STAT3: variants seen among roughly 807,000 people sequenced by gnomAD.
STAT3 encodes signal transducer and activator of transcription 3, also known as DNA-binding protein APRF.
Under a neutral mutation model 114.3 loss-of-function variants are expected in STAT3, and 7 were observed. The observed-to-expected ratio is 0.06, with a 90% CI of 0.03 to 0.11. The LOEUF (loss-of-function observed/expected upper bound fraction) is 0.11, where lower values mean the gene tolerates loss of function less well. Ranked by LOEUF, STAT3 falls within the 10% of genes least tolerant of loss-of-function variation. The pLI, the probability that STAT3 is intolerant of heterozygous loss-of-function variation, is 1.00. For missense variants in STAT3, 364 were observed against 960.9 expected (o/e 0.38, Z 8.21); for synonymous variants, 331 against 354.5 (o/e 0.93, Z 0.74).
intron 4 of STAT3, among the ~76,000 whole-genome samples, chr17:42,339,909 A>C (rs2144901970): frequency 6.6e-6 from 1 of 152,300 alleles, no homozygotes; most frequent in Admixed American, 6.5e-5. Flanking sequence ...TCACACCTAT[A>C]ATATCAGCAC....
Position 42,325,080 on chromosome 17 carries a change from C to T in STAT3, c.1366-19G>A. On this transcript the variant is annotated intron_variant, in intron 15 of 23. Coordinates refer to ENST00000264657, the MANE Select transcript of STAT3 (RefSeq NM_139276.3). ...AGTGGGTCTGCGGAGGGAGTGGGGA[C>T]TGAGCTGGGGAGGCAGAGGGGCTCT... The T allele has an allele frequency of 6.2e-7, 1 of 1,612,168 alleles. No homozygotes were observed. The highest frequency in any genetic ancestry group is 8.5e-7 in the Non-Finnish European group (1 of 1,178,416).
chr17:42,329,265 C>T, intron 14 of STAT3, 145 bp downstream of exon 14: 2 of 1,165,358 alleles, frequency 1.7e-6, no homozygotes, highest in Non-Finnish European at 2.5e-6. Context: ...CTGTTCATGT[C>T]ACTTTGGCCT....
chr17:42,368,974 C>G (rs1280474812), intron 1 of STAT3, among the ~76,000 whole-genome samples: 1 of 152,034 alleles, frequency 6.6e-6, no homozygotes, highest in African/African-American at 2.4e-5. Flanking sequence ...CATTTAGCTC[C>G]CACTTATAAG....
intron 10 of STAT3, among the ~76,000 whole-genome samples, chr17:42,332,577 T>G: frequency 7.1e-6 from 1 of 140,494 alleles, no homozygotes. Flanking sequence ...GCGTGGTGGC[T>G]CACATCTGTA....
chr17:42,369,963 T>C (rs2084016639), intron 1 of STAT3, among the ~76,000 whole-genome samples: 2 of 151,912 alleles, frequency 1.3e-5, no homozygotes, highest in African/African-American at 2.4e-5. Context: ...ACTTTGGCCA[T>C]GTGTTGGTTT....
chr17:42,349,663 T>C (rs903477834), intron 1 of STAT3, among the ~76,000 whole-genome samples: 1 of 152,238 alleles, frequency 6.6e-6, no homozygotes, highest in Non-Finnish European at 1.5e-5. Context: ...CCCAGTGAAA[T>C]GCTCTGGTAT....
intron 1 of STAT3, among the ~76,000 whole-genome samples, chr17:42,354,529 C>T (rs564431110): frequency 1.8e-4 from 28 of 151,424 alleles, no homozygotes; most frequent in Non-Finnish European, 3.5e-4. Flanking sequence ...AAGCACCAGG[C>T]TGGGCACAGT....
intron 21 of STAT3, among the ~76,000 whole-genome samples, chr17:42,320,752 C>T (rs1421891355): frequency 1.3e-5 from 2 of 148,586 alleles, no homozygotes; most frequent in South Asian, 4.2e-4. Flanking sequence ...AAAAAAAGCC[C>T]ATCATTGGCT....
rs2082270878 is a variant in STAT3 at position 42,337,339 on chromosome 17, G to A, written c.797+96C>T. 3.3e-6 allele frequency: 5 copies of A among 1,521,022 alleles called. No individual in the cohort carries two copies. Among genetic ancestry groups the A allele is most frequent in the Middle Eastern group, 1.8e-4 (1 of 5,674 alleles). 94.2% of individuals were successfully genotyped at this position (1,521,022 alleles called of 1,614,324 possible). On this transcript the variant is annotated intron_variant, in intron 8 of 23. Transcript: ENST00000264657. The surrounding 1 kb of genome is among the most constrained non-coding windows in gnomAD (Gnocchi z 4.0). Reference sequence around the variant, plus strand: ...AATTTGAATATGGAAAAGTCCCCACGTTGGAGATATAGTACCAATTCTGTG... The same window carrying A: ...AATTTGAATATGGAAAAGTCCCCACATTGGAGATATAGTACCAATTCTGTG...
rs763984398 is a variant in STAT3 at position 42,324,102 on chromosome 17, C to T, written c.1601-477G>A. On this transcript the variant is annotated intron_variant, in intron 17 of 23. Coordinates refer to ENST00000264657, the MANE Select transcript of STAT3 (RefSeq NM_139276.3). This position sits in a 1 kb window ranked among gnomAD's most constrained non-coding sequence, Gnocchi z 4.5. ...TTAGGAGGCCGAGGTGGGCGGATCACGAGGTGAAGAGACGGAGACTATCCT... is the reference window on the plus strand; with the variant it reads ...TTAGGAGGCCGAGGTGGGCGGATCATGAGGTGAAGAGACGGAGACTATCCT... Among the ~76,000 whole-genome samples the T allele has an allele frequency of 3.3e-5, 5 of 152,118 alleles. No homozygotes were observed. The highest frequency in any genetic ancestry group is 2.0e-4 in the Admixed American group (3 of 15,278).
At chr17:42,332,660 T>C (rs2082072690) in intron 10 of STAT3, among the ~76,000 whole-genome samples, 1 of 150,108 alleles carries the variant, frequency 6.7e-6, no homozygotes, top group Non-Finnish European at 1.5e-5. Flanking sequence ...CTGGCCAACA[T>C]GGAGAAACCC....
chr17:42,348,414 C>A lies in STAT3; in HGVS notation c.103G>T (p.Ala35Ser), dbSNP rs748204289. The A allele has an allele frequency of 1.2e-6, 2 of 1,614,098 alleles. No individual in the cohort carries two copies. The highest frequency in any genetic ancestry group is 1.7e-6 in the Non-Finnish European group (2 of 1,180,026). ...SFPMELRQFLAPWIESQDWAY... is the reference protein window; with the variant it reads ...SFPMELRQFLSPWIESQDWAY... ...CAATCTTGACTCTCAATCCAAGGGG[C>A]CAGAAACTGCCGCAGCTCCATTGGG... The change falls in exon 2 of 24, where the codon GCC (alanine) becomes TCC (serine). Residue 35 changes from alanine (A) to serine (S), a missense_variant. Physicochemically the swap from Ala to Ser is moderately conservative, Grantham distance 99 (BLOSUM62 1). Coordinates refer to ENST00000264657, the MANE Select transcript of STAT3 (RefSeq NM_139276.3).
At chr17:42,354,643 C>G (rs1217456258) in intron 1 of STAT3, among the ~76,000 whole-genome samples, 1 of 150,650 alleles carries the variant, frequency 6.6e-6, no homozygotes, top group Non-Finnish European at 1.5e-5. Flanking sequence ...CCTGTCTCTA[C>G]TAAAAATTCA....
chr17:42,362,457 C>G (rs2083560277), intron 1 of STAT3, among the ~76,000 whole-genome samples: 1 of 152,168 alleles, frequency 6.6e-6, no homozygotes, highest in African/African-American at 2.4e-5. Context: ...GTAGAGAGAC[C>G]TTTTCAAGAC....
At position 42,324,086 on chromosome 17, in the gene STAT3, C is replaced by T. The variant is rs575065275; in HGVS notation, c.1601-461G>A. Among the ~76,000 whole-genome samples the T allele has an allele frequency of 2.6e-5, 4 of 152,202 alleles. No individual in the cohort carries two copies. The highest frequency in any genetic ancestry group is 4.8e-5 in the African/African-American group (2 of 41,518). On this transcript the variant is annotated intron_variant, in intron 17 of 23. Coordinates refer to ENST00000264657, the MANE Select transcript of STAT3 (RefSeq NM_139276.3). This position sits in a 1 kb window ranked among gnomAD's most constrained non-coding sequence, Gnocchi z 4.5. ...CTGTAATCCCAGCACTTTAGGAGGC[C>T]GAGGTGGGCGGATCACGAGGTGAAG...
chr17:42,359,187 G>C (rs1400690707), intron 1 of STAT3, among the ~76,000 whole-genome samples: 1 of 151,800 alleles, frequency 6.6e-6, no homozygotes, highest in Admixed American at 6.6e-5. Flanking sequence ...TGCCCACCTC[G>C]GCCTCCCAAA....
In STAT3 at chr17:42,333,896, C is replaced by G; in HGVS notation, c.951G>C (p.Met317Ile). 6.2e-7 allele frequency: 1 copy of G among 1,614,194 alleles called. No homozygotes were observed. The highest frequency in any genetic ancestry group is 1.1e-5 in the South Asian group (1 of 91,086). ...ERIVELFRNLMKSAFVVERQP... is the reference protein window; with the variant it reads ...ERIVELFRNLIKSAFVVERQP... The stretch of plus-strand genomic sequence containing the variant: ...GGACAAGGATGCTAAATTACCTTTT[C>G]ATTAAGTTTCTAAACAGCTCCACGA... Residue 317 changes from methionine to isoleucine, a missense_variant, in exon 9 of 24, where the codon ATG (methionine) becomes ATC (isoleucine). Around this residue, in one of 5 missense-constraint regions of STAT3, gnomAD observed 294 missense variants for 745.1 expected, o/e 0.39. Coordinates refer to ENST00000264657, the MANE Select transcript of STAT3 (RefSeq NM_139276.3). The surrounding 1 kb of genome is among the most constrained non-coding windows in gnomAD (Gnocchi z 5.2).
chr17:42,382,453 A>G (rs1026546398), intron 1 of STAT3, among the ~76,000 whole-genome samples: 1 of 152,150 alleles, frequency 6.6e-6, no homozygotes, highest in Non-Finnish European at 1.5e-5. Context: ...TCAGAGCCAG[A>G]GTCTTGAACC....
intron 1 of STAT3, among the ~76,000 whole-genome samples, chr17:42,377,415 GTA>G (rs2145326683): frequency 6.6e-6 from 1 of 152,096 alleles, no homozygotes; most frequent in African/African-American, 2.4e-5. Context: ...TAAACATGAG[GTA>G]TATACACATG....
Sources: allele counts gnomAD v4.1 joint callset (sites outside exome capture counted in the v4.1 genomes callset), GRCh38; gene constraint gnomAD v4.1.1; regional missense constraint gnomAD v4.1.1; non-coding constraint Gnocchi (gnomAD v3.1); transcripts MANE v1.5; gene names NCBI Gene and HGNC (gene_info 2026-07-23, HGNC 2026-07-21).